TBX20: variants seen among roughly 807,000 people sequenced by gnomAD.
TBX20 encodes T-box transcription factor 20, also known as T-box transcription factor TBX20.
TBX20 carries 8 observed loss-of-function variants against 42.9 expected under a neutral mutation model. The ratio of observed to expected loss-of-function variants is 0.19; its 90% CI spans 0.11 to 0.34. The LOEUF is 0.34. Ranked by LOEUF, TBX20 falls within the 10% of genes least tolerant of loss-of-function variation. The pLI, the probability that TBX20 is intolerant of heterozygous loss-of-function variation, is 1.00. For synonymous variants in TBX20, 198 were observed against 222.8 expected (o/e 0.89, Z 0.99); for missense variants, 411 against 566.0 (o/e 0.73, Z 2.78).
Position 35,204,498 on chromosome 7 carries a change from C to A in TBX20, c.975G>T (p.Gly325=). 1 of 1,614,022 alleles carries A rather than the reference C, an allele frequency of 6.2e-7. No individual in the cohort carries two copies. Residue 325 remains glycine (G), a synonymous_variant, in exon 7 of 8, where the codon GGG becomes GGT. Transcript: ENST00000408931. ...RTYGGEEDVL[G]DESQTTPNRG... ...GATTTGGGGTTGTCTGACTCTCATC[C>A]CCCAAGACATCTTCTTCTCCTCCGT...
Position 35,253,909 on chromosome 7 carries a change from T to G in TBX20, c.-289A>C. ...CCCGGGGCGCTCGGCAGGACGACAG[T>G]CTGCACAGCCCGAAGGCGGAAACGA... is the stretch of plus-strand genomic sequence containing the variant. On this transcript the variant is annotated 5_prime_UTR_variant, in exon 1 of 8. Transcript: ENST00000408931. 1 of 426,370 alleles carries G rather than the reference T, an allele frequency of 2.3e-6. No homozygotes were observed. The highest frequency in any genetic ancestry group is 4.5e-5 in the East Asian group (1 of 22,370). 26.4% of individuals were successfully genotyped at this position (426,370 alleles called of 1,614,324 possible). A position where few individuals can be genotyped will look rare whatever the true frequency, so the allele number is the denominator to read the frequency against.
rs182121431 is a variant in TBX20, at chr7:35,233,073, G to A, written c.814-1493C>T. Among the ~76,000 whole-genome samples the A allele has an allele frequency of 5.9e-5, 9 of 152,318 alleles. No individual in the cohort carries two copies. The East Asian group carries it at 1.7e-3, about 29-fold the overall frequency. ...TTGCCAAAAAGCAACTTTCTCCCCA[G>A]TCAAAGTATATCTATAGAACACTTT... On this transcript the variant is annotated intron_variant, in intron 5 of 7. Coordinates refer to ENST00000408931, the MANE Select transcript of TBX20 (RefSeq NM_001077653.2).
chr7:35,238,920 T>C (rs1317517165), intron 5 of TBX20, among the ~76,000 whole-genome samples: 6 of 151,850 alleles, frequency 4.0e-5, no homozygotes, highest in Non-Finnish European at 7.4e-5. Context: ...GACAAATTCT[T>C]TTTTTGACAT....
At chr7:35,208,193 CTTT>C (rs1789432321) in intron 6 of TBX20, among the ~76,000 whole-genome samples, 1 of 152,060 alleles carries the variant, frequency 6.6e-6, no homozygotes, top group Admixed American at 6.5e-5. Flanking sequence ...GTAAATATTG[CTTT>C]TTAACTTCAA....
chr7:35,221,316 A>T (rs1012713615), intron 6 of TBX20, among the ~76,000 whole-genome samples: 1 of 150,762 alleles, frequency 6.6e-6, no homozygotes, highest in Non-Finnish European at 1.5e-5. Flanking sequence ...AAAAACAAAT[A>T]TCAAAAGAAA....
At chr7:35,252,901 G>A (rs1361898060) in intron 1 of TBX20, among the ~76,000 whole-genome samples, 1 of 152,284 alleles carries the variant, frequency 6.6e-6, no homozygotes, top group South Asian at 2.1e-4. Context: ...TTGAGAAATG[G>A]TTACTGGTTA....
chr7:35,224,227 T>A (rs1330001612), intron 6 of TBX20, among the ~76,000 whole-genome samples: 1 of 152,250 alleles, frequency 6.6e-6, no homozygotes, highest in African/African-American at 2.4e-5. Flanking sequence ...AAGGAAAAGA[T>A]TTCAATTAAT....
At chr7:35,234,656 C>T (rs994516402) in intron 5 of TBX20, among the ~76,000 whole-genome samples, 4 of 151,856 alleles carry the variant, frequency 2.6e-5, no homozygotes, top group African/African-American at 7.2e-5. Flanking sequence ...TGCTCTTATA[C>T]ACCCAGATTT....
In TBX20 at chr7:35,250,109, G is replaced by T; in HGVS notation, c.222C>A (p.Ser74Arg). The change falls in exon 2 of 8, where the codon AGC becomes AGA. Residue 74 changes from serine (S) to arginine (R), a missense_variant. Coordinates refer to ENST00000408931, the MANE Select transcript of TBX20 (RefSeq NM_001077653.2). ...HGEFGGGSGS[S>R]PSSSSLCTEP... is the part of the protein sequence containing the mutation. ...CAGTGCACAGAGAGGAGGAGGACGG[G>T]CTGCTGCCACTGCCTCCACCAAACT... The T allele has an allele frequency of 6.2e-7, 1 of 1,613,600 alleles. No individual in the cohort carries two copies. The highest frequency in any genetic ancestry group is 8.5e-7 in the Non-Finnish European group (1 of 1,179,850).
At chr7:35,203,127 G>A (rs1789335519) in intron 7 of TBX20, among the ~76,000 whole-genome samples, 1 of 152,062 alleles carries the variant, frequency 6.6e-6, no homozygotes. Flanking sequence ...AGTGTCCTAA[G>A]GAAGGCTGAA....
intron 5 of TBX20, among the ~76,000 whole-genome samples, chr7:35,235,787 C>T (rs775483324): frequency 6.6e-6 from 1 of 152,138 alleles, no homozygotes; most frequent in Non-Finnish European, 1.5e-5. Flanking sequence ...ACACTACCTG[C>T]TGTGCAAAAG....
At chr7:35,231,040 T>G (rs1789857189) in intron 6 of TBX20, among the ~76,000 whole-genome samples, 1 of 152,158 alleles carries the variant, frequency 6.6e-6, no homozygotes, top group Non-Finnish European at 1.5e-5. Context: ...ATATAAGCAG[T>G]CTACTACATT....
chr7:35,217,877 C>T (rs560290961), intron 6 of TBX20, among the ~76,000 whole-genome samples: 2 of 152,222 alleles, frequency 1.3e-5, no homozygotes, highest in Admixed American at 1.3e-4. Flanking sequence ...TGCACCACCA[C>T]GCCTGGTTAA....
intron 6 of TBX20, among the ~76,000 whole-genome samples, chr7:35,222,448 T>C (rs1210456490): frequency 2.6e-5 from 4 of 152,184 alleles, no homozygotes; most frequent in Non-Finnish European, 5.9e-5. Context: ...TCAGTTATCA[T>C]AATGCTTGAA....
At chr7:35,240,835 A>C (rs763656731) in intron 5 of TBX20, 44 bp downstream of exon 5, 13 of 1,578,174 alleles carry the variant, frequency 8.2e-6, no homozygotes, top group Non-Finnish European at 1.1e-5. Flanking sequence ...AACCTCCTAA[A>C]TCCTTCTCTT....
chr7:35,240,852 G>C lies in TBX20; in HGVS notation c.813+27C>G, dbSNP rs1474500805. On this transcript the variant is annotated intron_variant, in intron 5 of 7. Transcript: ENST00000408931. ...CCTCCTAAATCCTTCTCTTATGCAG[G>C]AACTAAATTGTGAACTGTACACTCA... 2.5e-6 allele frequency: 4 copies of C among 1,607,254 alleles called. No individual in the cohort carries two copies. The East Asian group carries it at 6.7e-5, about 27-fold the overall frequency.
intron 6 of TBX20, among the ~76,000 whole-genome samples, chr7:35,215,773 C>T (rs1789578826): frequency 6.6e-6 from 1 of 152,058 alleles, no homozygotes; most frequent in South Asian, 2.1e-4. Flanking sequence ...ACGTCAGAGA[C>T]ACAATCACGG....
intron 6 of TBX20, among the ~76,000 whole-genome samples, chr7:35,212,933 T>C (rs1789522467): frequency 6.6e-6 from 1 of 152,152 alleles, no homozygotes; most frequent in Admixed American, 6.5e-5. Context: ...GCTTTTTCCA[T>C]GCAGCTTTCA....
At position 35,244,949 on chromosome 7, in the gene TBX20, A is replaced by G. The variant is rs1396952687; in HGVS notation, c.654T>C (p.His218=). 1 of 1,610,600 alleles carries G rather than the reference A, an allele frequency of 6.2e-7. No individual in the cohort carries two copies. The highest frequency in any genetic ancestry group is 2.2e-5 in the East Asian group (1 of 44,846). Residue 218 remains histidine, a splice_region_variant and synonymous_variant, in exon 4 of 8, where the codon CAT becomes CAC. Transcript: ENST00000408931. ...LTNNELDQHG[H]IILNSMHKYQ... The stretch of plus-strand genomic sequence containing the variant: ...GCACAGTCCAAGGCATGGTACTTAC[A>G]TGGCCATGTTGATCCAGTTCATTGT...
Sources: gnomAD v4.1 joint callset for allele counts (sites outside exome capture counted in the v4.1 genomes callset) on GRCh38, gnomAD v4.1.1 for gene constraint, MANE v1.5 for transcripts, NCBI Gene and HGNC (gene_info 2026-07-23, HGNC 2026-07-21) for gene names.